Variants in SCAI observed in about 807,000 individuals in gnomAD.
SCAI encodes protein SCAI.
SCAI carries 24 observed loss-of-function variants against 92.2 expected under a neutral mutation model. The observed-to-expected ratio is 0.26, with a 90% CI of 0.19 to 0.37. SCAI has a LOEUF of 0.37. Among genes scored for constraint, SCAI ranks in the 10% least tolerant of loss-of-function variants. The probability of loss-of-function intolerance (pLI) is 1.00; values close to 1 mark genes in which losing one functional copy is unlikely to be tolerated. For synonymous variants in SCAI, 261 were observed against 258.6 expected (o/e 1.01, Z -0.09); for missense variants, 450 against 736.2 (o/e 0.61, Z 4.50).
chr9:125,108,827 C>T (rs111699945), intron 2 of SCAI, among the ~76,000 whole-genome samples: 3,525 of 152,302 alleles, frequency 0.023, 144 homozygotes, highest in African/African-American at 0.081. Flanking sequence ...GAGCCAGCCC[C>T]TCTGCCCGGC....
chr9:125,137,136 ATT>A (rs1265696428), intron 2 of SCAI, among the ~76,000 whole-genome samples: 2 of 152,096 alleles, frequency 1.3e-5, no homozygotes, highest in Non-Finnish European at 2.9e-5. Context: ...TTAACTGTAC[ATT>A]TTGTTTTCTA....
intron 17 of SCAI, among the ~76,000 whole-genome samples, chr9:124,958,446 C>T (rs996517622): frequency 6.6e-6 from 1 of 152,066 alleles, no homozygotes; most frequent in African/African-American, 2.4e-5. Flanking sequence ...ACAAAGTTAC[C>T]AAAGTAACTC....
At chr9:124,971,140 C>G in intron 17 of SCAI, 1 of 259,888 alleles carries the variant, frequency 3.8e-6, no homozygotes, top group East Asian at 7.0e-5. Flanking sequence ...TTTAAACAAA[C>G]GATAGGTACT....
At chr9:125,062,764 G>A (rs1299724937) in intron 2 of SCAI, among the ~76,000 whole-genome samples, 1 of 152,014 alleles carries the variant, frequency 6.6e-6, no homozygotes, top group Non-Finnish European at 1.5e-5. Context: ...GCTCACGCCT[G>A]TAATCTCAGC....
intron 14 of SCAI, among the ~76,000 whole-genome samples, chr9:124,991,948 GCT>G (rs1304762645): frequency 1.3e-5 from 2 of 152,258 alleles, no homozygotes; most frequent in African/African-American, 4.8e-5. Flanking sequence ...ATACGGTGTT[GCT>G]CTCTCACTCA....
Position 124,951,839 on chromosome 9 carries a change from A to T in SCAI, c.*968T>A, listed in dbSNP as rs1443095841. On this transcript the variant is annotated 3_prime_UTR_variant, in exon 18 of 18. Coordinates refer to ENST00000336505, the MANE Select transcript of SCAI (RefSeq NM_001144877.3). The stretch of plus-strand genomic sequence containing the variant: ...TACTAAATACAGGGAATGTTAATAA[A>T]TCTTATTTCCAAATTACCAATGCAA... 1 of 152,248 alleles carries T rather than the reference A, an allele frequency of 6.6e-6. No homozygotes were observed. The highest frequency in any genetic ancestry group is 2.4e-5 in the African/African-American group (1 of 41,464). The allele number at this position is 152,248 out of a possible 1,614,324, so 9.4% of individuals were successfully genotyped here. A position where few individuals can be genotyped will look rare whatever the true frequency, so the allele number is the denominator to read the frequency against.
chr9:125,027,840 G>C (rs1225446259), intron 5 of SCAI, among the ~76,000 whole-genome samples: 2 of 152,204 alleles, frequency 1.3e-5, no homozygotes, highest in Admixed American at 6.5e-5. Flanking sequence ...GATTACAAAT[G>C]GTCCAAGCCT....
chr9:124,987,522 T>C (rs10986507), intron 14 of SCAI, among the ~76,000 whole-genome samples: 147,593 of 152,208 alleles, frequency 0.97, 71,607 homozygotes, highest in East Asian at 1. Context: ...CTACTCTTTC[T>C]CTACGTGGGA....
chr9:125,011,008 GC>G (rs201297992), intron 9 of SCAI, among the ~76,000 whole-genome samples: 3,007 of 152,164 alleles, frequency 0.02, 89 homozygotes, highest in African/African-American at 0.068. Context: ...AACAGAAACA[GC>G]ATCCACACCA....
At chr9:125,082,362 G>A (rs1834238710) in intron 2 of SCAI, among the ~76,000 whole-genome samples, 2 of 152,080 alleles carry the variant, frequency 1.3e-5, no homozygotes, top group South Asian at 4.1e-4. Context: ...GGATGCCCAG[G>A]CAGAAGTTTG....
At chr9:124,982,047 T>C (rs1017920245) in intron 14 of SCAI, among the ~76,000 whole-genome samples, 8 of 152,242 alleles carry the variant, frequency 5.3e-5, no homozygotes, top group African/African-American at 1.9e-4. Flanking sequence ...AATTCTTCTA[T>C]TCTATATTGA....
Position 125,058,302 on chromosome 9 carries a change from T to C in SCAI, c.99-2295A>G, listed in dbSNP as rs530147748. On this transcript the variant is annotated intron_variant, in intron 2 of 17. Coordinates refer to ENST00000336505, the MANE Select transcript of SCAI (RefSeq NM_001144877.3). Reference sequence around the variant, plus strand: ...GCCAAGGTGGGTGGATCATTTGAGGTCAGGAGTTTGAGACCAGCCTGGGCA... The same window carrying C: ...GCCAAGGTGGGTGGATCATTTGAGGCCAGGAGTTTGAGACCAGCCTGGGCA... Among the ~76,000 whole-genome samples the C allele has an allele frequency of 2.0e-5, 3 of 150,808 alleles. 1 individual carries two copies. The highest frequency in any genetic ancestry group is 4.9e-5 in the African/African-American group (2 of 41,036).
At position 125,010,208 on chromosome 9, in the gene SCAI, C is replaced by T. The variant is rs532524546; in HGVS notation, c.862-6638G>A. 3.4e-3 allele frequency among the ~76,000 whole-genome samples: 519 copies of T among 152,290 alleles called. 2 individuals are homozygous for T. Among genetic ancestry groups the T allele is most frequent in the Admixed American group, 9.2e-3 (141 of 15,300 alleles). On this transcript the variant is annotated intron_variant, in intron 9 of 17. Coordinates refer to ENST00000336505, the MANE Select transcript of SCAI (RefSeq NM_001144877.3). ...GACAGTGGGTGCAGCGCACCGTGCGCGAGCCGAAGCAGGGCAAGGCATTGC... is the reference window on the plus strand; with the variant it reads ...GACAGTGGGTGCAGCGCACCGTGCGTGAGCCGAAGCAGGGCAAGGCATTGC...
chr9:125,055,807 C>T (rs986295018), intron 3 of SCAI, 69 bp downstream of exon 3: 7 of 1,368,428 alleles, frequency 5.1e-6, no homozygotes, highest in Non-Finnish European at 6.9e-6. Context: ...GGAAACTTAC[C>T]ACACATCAGC....
chr9:125,003,332 GTGA>G (rs1832404077), intron 10 of SCAI, 117 bp from the exon 11 acceptor site: 1 of 996,772 alleles, frequency 1.0e-6, no homozygotes, highest in African/African-American at 1.6e-5. Context: ...CAGTCTTACT[GTGA>G]TGATCTATTT....
intron 2 of SCAI, among the ~76,000 whole-genome samples, chr9:125,120,958 CAT>C (rs1835145859): frequency 6.6e-6 from 1 of 151,744 alleles, no homozygotes; most frequent in Non-Finnish European, 1.5e-5. Context: ...AATAAGGAAA[CAT>C]GAGTAATCTG....
At chr9:125,000,118 T>G (rs1832325953) in intron 12 of SCAI, 128 bp from the exon 13 acceptor site, 1 of 468,852 alleles carries the variant, frequency 2.1e-6, no homozygotes, top group African/African-American at 2.0e-5. Flanking sequence ...TTAAATTATT[T>G]TAAAATTTAA....
At chr9:125,135,074 ACTC>A (rs1835493936) in intron 2 of SCAI, among the ~76,000 whole-genome samples, 1 of 151,676 alleles carries the variant, frequency 6.6e-6, no homozygotes, top group African/African-American at 2.4e-5. Flanking sequence ...TCCCACACTA[ACTC>A]CTCTTGCCAC....
At chr9:125,088,725 A>G (rs568318845) in intron 2 of SCAI, among the ~76,000 whole-genome samples, 1 of 152,274 alleles carries the variant, frequency 6.6e-6, no homozygotes, top group South Asian at 2.1e-4. Flanking sequence ...CAATCCTCAT[A>G]CCTTGGCCTC....
Sources: gnomAD v4.1 joint callset for allele counts (sites outside exome capture counted in the v4.1 genomes callset) on GRCh38, gnomAD v4.1.1 for gene constraint, MANE v1.5 for transcripts, NCBI Gene and HGNC (gene_info 2026-07-23, HGNC 2026-07-21) for gene names.